PDZRN4: variants seen among roughly 807,000 people sequenced by gnomAD.
PDZRN4 encodes the protein PDZ domain-containing RING finger protein 4.
A neutral mutation model predicts 99.0 loss-of-function variants in PDZRN4; 70 were observed. That is an observed-to-expected ratio of 0.71 (90% CI 0.58 to 0.86). PDZRN4 has a LOEUF of 0.86. Among genes scored for constraint, PDZRN4 ranks in the 40% least tolerant of loss-of-function variants. The probability of loss-of-function intolerance (pLI) is 0.00; values close to 1 mark genes in which losing one functional copy is unlikely to be tolerated. For missense variants in PDZRN4, 1,474 were observed against 1,331.2 expected, an observed-to-expected ratio of 1.11 and a Z score of -1.67; for synonymous variants, 551 against 501.6, an observed-to-expected ratio of 1.10 and a Z score of -1.32.
intron 3 of PDZRN4, among the ~76,000 whole-genome samples, chr12:41,208,900 G>A (rs1950868415): frequency 6.6e-6 from 1 of 151,672 alleles, no homozygotes; most frequent in Non-Finnish European, 1.5e-5. Flanking sequence ...TTTTCCAGAA[G>A]TTTTACACAT....
At chr12:41,285,390 C>T (rs2120894921) in intron 3 of PDZRN4, among the ~76,000 whole-genome samples, 1 of 152,280 alleles carries the variant, frequency 6.6e-6, no homozygotes, top group East Asian at 1.9e-4. Context: ...AATAGGAACA[C>T]TTTTACACTG....
chr12:41,321,117 A>T (rs548409261), intron 3 of PDZRN4, among the ~76,000 whole-genome samples: 8 of 152,306 alleles, frequency 5.3e-5, no homozygotes, highest in Admixed American at 1.3e-4. Context: ...GAAACCTAAT[A>T]GTGAACTAAA....
At chr12:41,376,430 G>A (rs1403663942) in intron 3 of PDZRN4, among the ~76,000 whole-genome samples, 1 of 152,040 alleles carries the variant, frequency 6.6e-6, no homozygotes, top group African/African-American at 2.4e-5. Context: ...CCTAACAGGT[G>A]TGGGGTGAGA....
intron 3 of PDZRN4, among the ~76,000 whole-genome samples, chr12:41,237,823 C>T (rs1171195469): frequency 2.6e-5 from 4 of 152,194 alleles, no homozygotes; most frequent in South Asian, 4.1e-4. Context: ...TTCCATTTGT[C>T]TATGTGTCTG....
chr12:41,382,224 G>A lies in PDZRN4; in HGVS notation c.844-124232G>A, dbSNP rs11180874. On this transcript the variant is annotated intron_variant, in intron 3 of 9. Transcript: ENST00000402685. Reference sequence around the variant, plus strand: ...TGCTCCCCAGCCAAGTAGTGCTGCTGGCTTCTTGCTACATTTTCAGGAATG... The same window carrying A: ...TGCTCCCCAGCCAAGTAGTGCTGCTAGCTTCTTGCTACATTTTCAGGAATG... 3.2e-3 allele frequency among the ~76,000 whole-genome samples: 493 copies of A among 152,258 alleles called. 18 individuals are homozygous for A. The East Asian group carries it at 0.087, about 27-fold the overall frequency.
At chr12:41,243,102 G>A (rs923738147) in intron 3 of PDZRN4, among the ~76,000 whole-genome samples, 3 of 152,164 alleles carry the variant, frequency 2.0e-5, no homozygotes, top group African/African-American at 7.2e-5. Context: ...GTTTTTGAGT[G>A]TAGAGGAAAG....
chr12:41,470,044 C>A (rs917290438), intron 3 of PDZRN4, among the ~76,000 whole-genome samples: 1 of 152,124 alleles, frequency 6.6e-6, no homozygotes, highest in Non-Finnish European at 1.5e-5. Flanking sequence ...GTGGAAAGTC[C>A]TGTCATTTGG....
intron 7 of PDZRN4, among the ~76,000 whole-genome samples, chr12:41,557,858 A>G (rs1026871339): frequency 5.9e-5 from 9 of 152,210 alleles, no homozygotes; most frequent in South Asian, 2.1e-4. Context: ...AACTACGTCT[A>G]TCATACACAG....
intron 3 of PDZRN4, among the ~76,000 whole-genome samples, chr12:41,240,193 T>C (rs142755320): frequency 8.8e-4 from 134 of 152,360 alleles, no homozygotes; most frequent in Admixed American, 1.4e-3. Context: ...GACAAATTTC[T>C]AGCTAATGTT....
In PDZRN4 at chr12:41,573,023, T is replaced by G; in HGVS notation, c.2244T>G (p.Thr748=). The change falls in exon 10 of 10, where the codon ACT becomes ACG. Residue 748 remains threonine, a synonymous_variant. Coordinates refer to ENST00000402685, the MANE Select transcript of PDZRN4 (RefSeq NM_001164595.2). ...AYNTAESCRS[T]PLTVDRSPDS... ...ACACAGCTGAGAGCTGCAGAAGTAC[T>G]CCGCTCACTGTAGACCGTTCCCCTG... is the stretch of plus-strand genomic sequence containing the variant. 1 of 1,614,136 alleles carries G rather than the reference T, an allele frequency of 6.2e-7. No homozygotes were observed. The highest frequency in any genetic ancestry group is 8.5e-7 in the Non-Finnish European group (1 of 1,180,000).
At chr12:41,524,464 T>A (rs2120722503) in intron 5 of PDZRN4, among the ~76,000 whole-genome samples, 1 of 152,276 alleles carries the variant, frequency 6.6e-6, no homozygotes, top group East Asian at 1.9e-4. Context: ...GGAGCTGGTA[T>A]TCACATTGTG....
intron 3 of PDZRN4, among the ~76,000 whole-genome samples, chr12:41,313,353 T>C (rs1951619421): frequency 6.6e-6 from 1 of 152,184 alleles, no homozygotes; most frequent in African/African-American, 2.4e-5. Flanking sequence ...CAAATATGCT[T>C]TTATTATTTA....
At chr12:41,238,066 A>G (rs6582282) in intron 3 of PDZRN4, among the ~76,000 whole-genome samples, 102,275 of 151,914 alleles carry the variant, frequency 0.67, 34,566 homozygotes, top group South Asian at 0.73. Flanking sequence ...TGAGCAGTAC[A>G]GCCATTTTCA....
At chr12:41,227,176 G>A (rs1471170247) in intron 3 of PDZRN4, among the ~76,000 whole-genome samples, 1 of 152,154 alleles carries the variant, frequency 6.6e-6, no homozygotes, top group East Asian at 1.9e-4. Flanking sequence ...TAAAAAGATA[G>A]ATGTGTGACA....
chr12:41,239,186 C>A (rs1489333596), intron 3 of PDZRN4, among the ~76,000 whole-genome samples: 2 of 152,148 alleles, frequency 1.3e-5, no homozygotes, highest in Non-Finnish European at 2.9e-5. Flanking sequence ...AGTTGGAAGT[C>A]ATTATCCTCA....
intron 3 of PDZRN4, among the ~76,000 whole-genome samples, chr12:41,339,149 G>A (rs1320886661): frequency 6.6e-6 from 1 of 150,890 alleles, no homozygotes; most frequent in Non-Finnish European, 1.5e-5. Flanking sequence ...AAAATGGGAG[G>A]AATCACATTA....
chr12:41,229,626 A>T (rs549040533), intron 3 of PDZRN4, among the ~76,000 whole-genome samples: 25 of 152,142 alleles, frequency 1.6e-4, no homozygotes, highest in African/African-American at 6.0e-4. Context: ...GTTTCACATT[A>T]TTCTTTAAAA....
At chr12:41,432,316 G>C (rs979677079) in intron 3 of PDZRN4, among the ~76,000 whole-genome samples, 4 of 152,112 alleles carry the variant, frequency 2.6e-5, no homozygotes, top group Non-Finnish European at 5.9e-5. Context: ...AACTAAAAAT[G>C]GTTTATGTTC....
At chr12:41,290,960 T>C (rs1951453237) in intron 3 of PDZRN4, among the ~76,000 whole-genome samples, 1 of 152,078 alleles carries the variant, frequency 6.6e-6, no homozygotes, top group Non-Finnish European at 1.5e-5. Flanking sequence ...AAGCATACAT[T>C]TAAATGAGAG....
Sources: gnomAD v4.1 joint callset for allele counts (sites outside exome capture counted in the v4.1 genomes callset) on GRCh38, gnomAD v4.1.1 for gene constraint, MANE v1.5 for transcripts, NCBI Gene and HGNC (gene_info 2026-07-23, HGNC 2026-07-21) for gene names.